Variants in KCND3 observed in about 807,000 individuals in gnomAD.
KCND3 encodes the protein A-type voltage-gated potassium channel KCND3.
KCND3 carries 9 observed loss-of-function variants against 51.1 expected under a neutral mutation model. The observed-to-expected ratio is 0.18, with a 90% CI of 0.11 to 0.31. KCND3 has a LOEUF of 0.31. KCND3 is among the 10% of genes least tolerant of loss of function. The pLI is 1.00. For synonymous variants in KCND3, 349 were observed against 368.0 expected, an observed-to-expected ratio of 0.95 and a Z score of 0.59; for missense variants, 526 against 903.8, an observed-to-expected ratio of 0.58 and a Z score of 5.36.
chr1:111,833,499 C>T (rs11102342), intron 2 of KCND3, among the ~76,000 whole-genome samples: 87,543 of 152,118 alleles, frequency 0.58, 25,331 homozygotes, highest in Middle Eastern at 0.63. Flanking sequence ...GTAACAAGTC[C>T]TCAGTTTCTT....
rs989197847 is a variant in KCND3, at chr1:111,810,495, T to C, written c.1107-23389A>G. Among the ~76,000 whole-genome samples, 71 of 152,312 alleles carry C rather than the reference T, an allele frequency of 4.7e-4. 1 individual carries two copies. The highest frequency in any genetic ancestry group is 1.7e-3 in the African/African-American group (71 of 41,570). On this transcript the variant is annotated intron_variant, in intron 2 of 7. Coordinates refer to ENST00000302127, the MANE Select transcript of KCND3 (RefSeq NM_001378969.1). ...GGCACAGACTGGCACCTTCTAACTT[T>C]CTCTCCAAGCTCCCATCCTGGCTGG...
chr1:111,863,103 T>C (rs1305966747), intron 2 of KCND3, among the ~76,000 whole-genome samples: 2 of 152,256 alleles, frequency 1.3e-5, no homozygotes, highest in Admixed American at 1.3e-4. Context: ...TACAATGGGC[T>C]GGGCAGGGCT....
intron 2 of KCND3, among the ~76,000 whole-genome samples, chr1:111,933,000 G>A (rs1672052718): frequency 6.6e-6 from 1 of 152,136 alleles, no homozygotes; most frequent in African/African-American, 2.4e-5. Context: ...ATCTTAAATT[G>A]TAATCCCCAT....
At chr1:111,946,892 T>C (rs1437597943) in intron 2 of KCND3, among the ~76,000 whole-genome samples, 4 of 152,224 alleles carry the variant, frequency 2.6e-5, no homozygotes, top group Admixed American at 2.6e-4. Context: ...GGAACTCTAT[T>C]AGGCTCTGCA....
intron 1 of KCND3, among the ~76,000 whole-genome samples, chr1:111,988,298 C>T (rs151080042): frequency 6.6e-6 from 1 of 152,146 alleles, no homozygotes; most frequent in South Asian, 2.1e-4. Flanking sequence ...GGGGGACAGG[C>T]TTGGGACACA....
In KCND3 at chr1:111,989,591, G is replaced by GAGCGCCCAGCAGCGCGGGGA. The variant is rs906096370; in HGVS notation, c.-179_-160dup. ...CGGGAGCCGGGGCCGCGGAGGCGCC[G>GAGCGCCCAGCAGCGCGGGGA]AGCGCCCAGCAGCGCGGGGAAGCGC... On this transcript the variant is annotated 5_prime_UTR_variant, in exon 1 of 8. Coordinates refer to ENST00000302127, the MANE Select transcript of KCND3 (RefSeq NM_001378969.1). Among the ~76,000 whole-genome samples the GAGCGCCCAGCAGCGCGGGGA allele has an allele frequency of 7.4e-5, 11 of 148,010 alleles. No individual in the cohort carries two copies. The highest frequency in any genetic ancestry group is 3.4e-4 in the Admixed American group (5 of 14,888).
At chr1:111,864,997 G>A (rs552802227) in intron 2 of KCND3, among the ~76,000 whole-genome samples, 3 of 152,288 alleles carry the variant, frequency 2.0e-5, no homozygotes, top group South Asian at 2.1e-4. Context: ...GGTGGTGGGG[G>A]TGGGCAGCAG....
chr1:111,916,626 TA>T (rs1418629792), intron 2 of KCND3, among the ~76,000 whole-genome samples: 7 of 151,900 alleles, frequency 4.6e-5, no homozygotes, highest in African/African-American at 1.7e-4. Context: ...AGCTCTTTTC[TA>T]AAAAAGATGA....
At chr1:111,786,509 CTCTCCTTTCACAGTATTTATT>C (rs1356891469) in intron 3 of KCND3, among the ~76,000 whole-genome samples, 4 of 152,196 alleles carry the variant, frequency 2.6e-5, no homozygotes, top group Non-Finnish European at 4.4e-5. Context: ...CCTCAGGATG[CTCTCCTTTCACAGTATTTATT>C]TTTCTTTTCA....
intron 2 of KCND3, among the ~76,000 whole-genome samples, chr1:111,880,788 G>T (rs917060853): frequency 1.3e-5 from 2 of 152,184 alleles, no homozygotes; most frequent in African/African-American, 4.8e-5. Flanking sequence ...TTGCACATTT[G>T]GTTGGGGAGC....
chr1:111,980,424 C>T lies in KCND3; in HGVS notation c.1106+1197G>A, dbSNP rs1041811869. 2.6e-5 allele frequency among the ~76,000 whole-genome samples: 4 copies of T among 152,040 alleles called. No individual in the cohort carries two copies. The South Asian group carries it at 8.3e-4, about 32-fold the overall frequency. Reference sequence around the variant, plus strand: ...ATTTTAAAAGGTCTCGTCACCTGCTCAGTCATTCCCAATAAGCATACGCAG... The same window carrying T: ...ATTTTAAAAGGTCTCGTCACCTGCTTAGTCATTCCCAATAAGCATACGCAG... On this transcript the variant is annotated intron_variant, in intron 2 of 7. Coordinates refer to ENST00000302127, the MANE Select transcript of KCND3 (RefSeq NM_001378969.1).
intron 2 of KCND3, among the ~76,000 whole-genome samples, chr1:111,854,912 G>A (rs570653115): frequency 1.3e-5 from 2 of 152,288 alleles, no homozygotes; most frequent in African/African-American, 4.8e-5. Context: ...AGTGCCATTA[G>A]GGAACTTCAA....
At chr1:111,776,340 G>A in intron 7 of KCND3, 62 bp from the exon 8 acceptor site, 2 of 1,490,918 alleles carry the variant, frequency 1.3e-6, no homozygotes, top group Non-Finnish European at 1.8e-6. Context: ...AAGCTTCCTT[G>A]ACCCCCTACA....
chr1:111,821,431 C>T (rs576844702), intron 2 of KCND3, among the ~76,000 whole-genome samples: 1 of 152,172 alleles, frequency 6.6e-6, no homozygotes, highest in African/African-American at 2.4e-5. Context: ...GAGTGCACAG[C>T]GGGTATCTTT....
intron 2 of KCND3, among the ~76,000 whole-genome samples, chr1:111,850,896 C>T (rs576991958): frequency 2.5e-4 from 38 of 152,336 alleles, no homozygotes; most frequent in African/African-American, 8.2e-4. Context: ...TGAGAAACCC[C>T]GTGTGGGGTT....
At chr1:111,791,367 A>T (rs1292160225) in intron 2 of KCND3, among the ~76,000 whole-genome samples, 1 of 152,242 alleles carries the variant, frequency 6.6e-6, no homozygotes. Flanking sequence ...TGCTGCAACA[A>T]GCAAAGCTCT....
intron 2 of KCND3, among the ~76,000 whole-genome samples, chr1:111,898,867 C>T (rs1670250982): frequency 6.6e-6 from 1 of 152,204 alleles, no homozygotes; most frequent in African/African-American, 2.4e-5. Context: ...TGCAGGACCA[C>T]AGACCAGCCT....
chr1:111,914,373 G>T (rs1200351180), intron 2 of KCND3, among the ~76,000 whole-genome samples: 1 of 151,366 alleles, frequency 6.6e-6, no homozygotes, highest in Non-Finnish European at 1.5e-5. Context: ...AAACACAGAA[G>T]AAATATTTTA....
chr1:111,781,613 G>T, intron 3 of KCND3, among the ~76,000 whole-genome samples: 1 of 152,026 alleles, frequency 6.6e-6, no homozygotes, highest in East Asian at 1.9e-4. Flanking sequence ...TCTGCCTCCT[G>T]GGTTCAAGCA....
Sources: gnomAD v4.1 joint callset for allele counts (sites outside exome capture counted in the v4.1 genomes callset) on GRCh38, gnomAD v4.1.1 for gene constraint, MANE v1.5 for transcripts, NCBI Gene and HGNC (gene_info 2026-07-23, HGNC 2026-07-21) for gene names.